The following TTN variants were observed in gnomAD, a reference collection of about 807,000 sequenced individuals.
TTN encodes titin.
Under a neutral mutation model 3,223.0 loss-of-function variants are expected in TTN, and 1,525 were observed. That is an observed-to-expected ratio of 0.47 (90% confidence interval 0.45 to 0.49). The LOEUF is 0.49. TTN is among the 20% of genes least tolerant of loss of function. TTN has a pLI of 0.00. For missense variants in TTN, 40,786 were observed against 43,424.0 expected (o/e 0.94, Z 5.40); for synonymous variants, 14,094 against 15,161.0 (o/e 0.93, Z 5.17).
At chr2:178,706,126 T>C (rs2154292141) in intron 102 of TTN, among the ~76,000 whole-genome samples, 1 of 152,290 alleles carries the variant, frequency 6.6e-6, no homozygotes, top group Admixed American at 6.5e-5. Flanking sequence ...GAGATTCTTT[T>C]TGTGAATGGG....
rs746070034 is a variant in TTN at position 178,588,565 on chromosome 2, T to C, written c.63160A>G (p.Arg21054Gly). ...ATGGGGTCTTTTGCCACCACCGGTC[T>C]TGAAGGCAAGCTTGGTTCTCCAATT... ...IGIGEPSLPSRPVVAKDPIEP... is the reference protein window; with the variant it reads ...IGIGEPSLPSGPVVAKDPIEP... Residue 21054 changes from arginine (R) to glycine (G), a missense_variant, in exon 304 of 363, where the codon AGA (arginine) becomes GGA (glycine). Physicochemically the swap from Arg to Gly is moderately radical, Grantham distance 125. Transcript: ENST00000589042. 1.3e-5 allele frequency: 20 copies of C among 1,539,114 alleles called. No homozygotes were observed. Among genetic ancestry groups the C allele is most frequent in the Non-Finnish European group, 1.7e-5 (20 of 1,146,404 alleles).
rs1479846494 is a variant in TTN at position 178,579,257 on chromosome 2, T to C, written c.67773A>G (p.Leu22591=). 1.2e-6 allele frequency: 2 copies of C among 1,613,410 alleles called. No individual in the cohort carries two copies. The highest frequency in any genetic ancestry group is 8.5e-7 in the Non-Finnish European group (1 of 1,179,538). The change falls in exon 320 of 363, where the codon CTA becomes CTG. Residue 22591 remains leucine (L), a synonymous_variant. Coordinates refer to ENST00000589042, the MANE Select transcript of TTN (RefSeq NM_001267550.2). The part of the protein sequence containing the change: ...SVSWKKGEDP[L]ATDTRVSVES... ...CAACACTGACTCTAGTGTCAGTTGC[T>C]AGAGGATCTTCCCCTTTCTTCCAGG...
At position 178,612,424 on chromosome 2, in the gene TTN, C is replaced by T; in HGVS notation, c.50101G>A (p.Val16701Met). The change falls in exon 266 of 363, where the codon GTG (valine) becomes ATG (methionine). Residue 16701 changes from valine to methionine, a missense_variant. Physicochemically the swap from Val to Met is conservative, Grantham distance 21. Coordinates refer to ENST00000589042, the MANE Select transcript of TTN (RefSeq NM_001267550.2). Reference protein sequence around the residue: ...RDVRRKGWQTVDTTVKDTKCT... With the variant: ...RDVRRKGWQTMDTTVKDTKCT... ...TTGGTGTCCTTGACAGTGGTATCCA[C>T]TGTTTGCCAGCCTTTTCGCCTGACG... The T allele has an allele frequency of 6.2e-7, 1 of 1,612,512 alleles. No homozygotes were observed. The highest frequency in any genetic ancestry group is 8.5e-7 in the Non-Finnish European group (1 of 1,179,190).
chr2:178,615,586 T>C (rs1031265564), intron 258 of TTN, 55 bp downstream of exon 258: 4 of 1,610,128 alleles, frequency 2.5e-6, no homozygotes, highest in East Asian at 2.2e-5. Context: ...ACTCTAGGTC[T>C]AAAAGCAAAA....
In TTN at chr2:178,557,767, A is replaced by G. The variant is rs758449685; in HGVS notation, c.87587T>C (p.Met29196Thr). 1 of 1,613,886 alleles carries G rather than the reference A, an allele frequency of 6.2e-7. No individual in the cohort carries two copies. Among genetic ancestry groups the G allele is most frequent in the South Asian group, 1.1e-5 (1 of 91,074 alleles). Reference protein sequence around the residue: ...TEVSATVARTMMKVMKLTTGE... With the variant: ...TEVSATVARTTMKVMKLTTGE... ...TGTGGTCAGTTTCATGACTTTCATC[A>G]TGGTTCTTGCAACTGTTGCAGACAC... Residue 29196 changes from methionine to threonine, a missense_variant, in exon 328 of 363, where the codon ATG (methionine) becomes ACG (threonine). Coordinates refer to ENST00000589042, the MANE Select transcript of TTN (RefSeq NM_001267550.2).
At chr2:178,804,738 T>C in intron 1 of TTN, 83 bp from the exon 2 acceptor site, 1 of 1,260,066 alleles carries the variant, frequency 7.9e-7, no homozygotes, top group Non-Finnish European at 1.1e-6. Flanking sequence ...AGACACACGT[T>C]TCTCCAAATG....
Position 178,578,819 on chromosome 2 carries a change from C to T in TTN, c.68211G>A (p.Ala22737=), listed in dbSNP as rs536824562. 95 of 1,610,346 alleles carry T rather than the reference C, an allele frequency of 5.9e-5. No individual in the cohort carries two copies. Among genetic ancestry groups the T allele is most frequent in the Admixed American group, 1.8e-4 (11 of 59,728 alleles). The change falls in exon 320 of 363, where the codon GCG becomes GCA. Residue 22737 remains alanine, a synonymous_variant. Coordinates refer to ENST00000589042, the MANE Select transcript of TTN (RefSeq NM_001267550.2). ...TAAGACACTTACCAAATGGATGTCTCGCAACAATTGGCTCCGATTTCAGGC... is the reference window on the plus strand; with the variant it reads ...TAAGACACTTACCAAATGGATGTCTTGCAACAATTGGCTCCGATTTCAGGC... ...GEGLKSEPIV[A]RHPFDVPDAP...
chr2:178,582,683 T>A, intron 313 of TTN, 91 bp from the exon 314 acceptor site: 1 of 1,292,906 alleles, frequency 7.7e-7, no homozygotes. Flanking sequence ...CTTTCTATTG[T>A]CAATTTCCTA....
chr2:178,577,688 TCATATTTTCCA>T lies in TTN; in HGVS notation c.68727_68737del (p.Gly22910IlefsTer4). 6.2e-7 allele frequency: 1 copy of T among 1,613,314 alleles called. No individual in the cohort carries two copies. Among genetic ancestry groups the T allele is most frequent in the South Asian group, 1.1e-5 (1 of 91,036 alleles). On this transcript the variant is annotated frameshift_variant, in exon 323 of 363. Coordinates refer to ENST00000589042, the MANE Select transcript of TTN (RefSeq NM_001267550.2). LOFTEE classifies it high-confidence loss of function. ...TGTATTCTTTGCTCTAATTCTGAAT[TCATATTTTCCA>T]CCCTCAACAAGGTCAGTTACAGTAA... is the stretch of plus-strand genomic sequence containing the variant.
chr2:178,602,972 G>A (rs2053851578), intron 282 of TTN, among the ~76,000 whole-genome samples: 2 of 151,978 alleles, frequency 1.3e-5, no homozygotes, highest in Non-Finnish European at 2.9e-5. Context: ...AATTTAAAAA[G>A]GATTCCATCA....
Position 178,595,716 on chromosome 2 carries a change from C to T in TTN, c.57638G>A (p.Gly19213Asp). 1 of 1,608,484 alleles carries T rather than the reference C, an allele frequency of 6.2e-7. No individual in the cohort carries two copies. The highest frequency in any genetic ancestry group is 1.1e-5 in the South Asian group (1 of 89,680). ...AATGACATAATTGGTGATTGGAGAGCCTCCATCATCTTCTGGAGAAAACCA... is the reference window on the plus strand; with the variant it reads ...AATGACATAATTGGTGATTGGAGAGTCTCCATCATCTTCTGGAGAAAACCA... ...LTWFSPEDDG[G>D]SPITNYVIEK... The change falls in exon 295 of 363, where the codon GGC (glycine) becomes GAC (aspartate). Residue 19213 changes from glycine to aspartate, a missense_variant. Transcript: ENST00000589042.
chr2:178,702,335 T>A (rs1655267261), intron 107 of TTN, 90 bp from the exon 108 acceptor site: 1 of 1,605,558 alleles, frequency 6.2e-7, no homozygotes, highest in Non-Finnish European at 8.5e-7. Flanking sequence ...TATTTACACT[T>A]GTCTTTTCTA....
Position 178,688,700 on chromosome 2 carries a change from CTT to C in TTN, c.32172_32173del (p.Arg10725SerfsTer29). 6.2e-7 allele frequency: 1 copy of C among 1,613,744 alleles called. No homozygotes were observed. The highest frequency in any genetic ancestry group is 8.5e-7 in the Non-Finnish European group (1 of 1,179,626). On this transcript the variant is annotated frameshift_variant, in exon 126 of 363. Coordinates refer to ENST00000589042, the MANE Select transcript of TTN (RefSeq NM_001267550.2). LOFTEE classifies it high-confidence loss of function. Reference sequence around the variant, plus strand: ...ACCTTCGTGCCGCGTGACTTCCACTCTTTGAGGAACTGCGAAGGATAGTTTTT... The same window carrying C: ...ACCTTCGTGCCGCGTGACTTCCACTCTGAGGAACTGCGAAGGATAGTTTTT...
chr2:178,777,967 G>A lies in TTN; in HGVS notation c.4217C>T (p.Ser1406Phe). Residue 1406 changes from serine to phenylalanine, a missense_variant, in exon 25 of 363, where the codon TCT (serine) becomes TTT (phenylalanine). Coordinates refer to ENST00000589042, the MANE Select transcript of TTN (RefSeq NM_001267550.2). ...AGGAGACCTGCTCACTGAACGTGGA[G>A]AGAGAGATCTGCAAAACAAAGACAC... ...LEPVSRIRSL[S>F]PRSVSRSPIR... 6.2e-7 allele frequency: 1 copy of A among 1,613,758 alleles called. No homozygotes were observed. The highest frequency in any genetic ancestry group is 1.1e-5 in the South Asian group (1 of 91,070).
At position 178,688,233 on chromosome 2, in the gene TTN, G is replaced by A; in HGVS notation, c.32198-9C>T. ...TTCCTCCTCTGCAGATACTTTAAAA[G>A]ATAAGGTTTCATTTAAATTCAGCCT... On this transcript the variant is annotated splice_polypyrimidine_tract_variant and intron_variant, in intron 126 of 362. Transcript: ENST00000589042. 6.2e-7 allele frequency: 1 copy of A among 1,609,918 alleles called. No individual in the cohort carries two copies. The highest frequency in any genetic ancestry group is 1.1e-5 in the South Asian group (1 of 91,010).
intron 118 of TTN, 105 bp downstream of exon 118, chr2:178,693,816 CA>C: frequency 8.1e-7 from 1 of 1,233,134 alleles, no homozygotes; most frequent in Non-Finnish European, 1.1e-6. Flanking sequence ...ACAGAATTTA[CA>C]AGGAGACAGA....
At position 178,569,603 on chromosome 2, in the gene TTN, A is replaced by G. The variant is rs772450442; in HGVS notation, c.76529T>C (p.Ile25510Thr). 12 of 1,612,306 alleles carry G rather than the reference A, an allele frequency of 7.4e-6. No individual in the cohort carries two copies. Among genetic ancestry groups the G allele is most frequent in the Non-Finnish European group, 6.8e-6 (8 of 1,179,250 alleles). ...IVEEKLEAPD[I>T]DLDLELRKII... ...TTTCCTTAGTTCTAGGTCAAGATCA[A>G]TGTCTGGTGCTTCTAATTTTTCTTC... Residue 25510 changes from isoleucine to threonine, a missense_variant, in exon 326 of 363, where the codon ATT becomes ACT. By Grantham distance (89) the Ile-to-Thr change is moderately conservative. Transcript: ENST00000589042.
chr2:178,755,678 A>G (rs1477766558), intron 46 of TTN, among the ~76,000 whole-genome samples: 1 of 152,150 alleles, frequency 6.6e-6, no homozygotes, highest in East Asian at 1.9e-4. Flanking sequence ...TCCTGACCTC[A>G]AGTGATCTGG....
At chr2:178,554,241 AG>A (rs758365947) in intron 332 of TTN, 25 bp from the exon 333 acceptor site, 16 of 1,546,400 alleles carry the variant, frequency 1.0e-5, no homozygotes, top group Non-Finnish European at 1.4e-5. Context: ...AGGGAAAACA[AG>A]GTACAAGAAT....
Sources: allele counts gnomAD v4.1 joint callset (sites outside exome capture counted in the v4.1 genomes callset), GRCh38; gene constraint gnomAD v4.1.1; transcripts MANE v1.5; gene names NCBI Gene and HGNC (gene_info 2026-07-23, HGNC 2026-07-21).